The following RRM1 variants were observed in gnomAD, a reference collection of about 807,000 sequenced individuals.
RRM1 encodes the protein ribonucleotide reductase catalytic subunit M1.
In RRM1, 19 loss-of-function variants were observed where a neutral mutation model predicts 101.5. The observed-to-expected ratio is 0.19, with a 90% confidence interval of 0.13 to 0.27. The LOEUF is 0.27. RRM1 is among the 10% of genes least tolerant of loss of function. The pLI is 1.00. For synonymous variants in RRM1, 298 were observed against 323.4 expected (o/e 0.92, Z 0.84); for missense variants, 500 against 962.9 (o/e 0.52, Z 6.36).
chr11:4,118,626 A>G (rs545560899), intron 8 of RRM1, among the ~76,000 whole-genome samples, 165 bp downstream of exon 8: 15 of 152,146 alleles, frequency 9.9e-5, no homozygotes, highest in South Asian at 8.3e-4. Context: ...CTTCATTTTC[A>G]TCTATGATAT....
At chr11:4,095,241 C>T (rs1223855916) in intron 1 of RRM1, among the ~76,000 whole-genome samples, 1 of 152,252 alleles carries the variant, frequency 6.6e-6, no homozygotes, top group Admixed American at 6.5e-5. Flanking sequence ...TGCGCCCCCT[C>T]GGCTTTGTCA....
At chr11:4,123,871 C>G (rs2133311214) in intron 12 of RRM1, among the ~76,000 whole-genome samples, 1 of 152,166 alleles carries the variant, frequency 6.6e-6, no homozygotes, top group Middle Eastern at 3.4e-3. Context: ...TAAAGAGAGT[C>G]CTTTCAGTGA....
At chr11:4,104,935 G>A (rs1394240654) in intron 2 of RRM1, among the ~76,000 whole-genome samples, 1 of 152,114 alleles carries the variant, frequency 6.6e-6, no homozygotes, top group Non-Finnish European at 1.5e-5. Flanking sequence ...GTATGGAGCT[G>A]GAGCCCTGAT....
chr11:4,112,059 C>T lies in RRM1; in HGVS notation c.647C>T (p.Ser216Phe). The change falls in exon 7 of 19, where the codon TCT becomes TTT. Residue 216 changes from serine (S) to phenylalanine (F), a missense_variant. Ser to Phe is a radical substitution (Grantham distance 155). Around this residue, in one of 9 missense-constraint regions of RRM1, gnomAD observed 111 missense variants for 219.8 expected, o/e 0.51. Coordinates refer to ENST00000300738, the MANE Select transcript of RRM1 (RefSeq NM_001033.5). ...GCTGGTACCAACCGCCCACAACTTT[C>T]TAGGTAGGTGTTTTGAGTAGGGAAA... The part of the protein sequence containing the change: ...FNAGTNRPQL[S>F]SCFLLSMKDD... 1 of 1,612,412 alleles carries T rather than the reference C, an allele frequency of 6.2e-7. No individual in the cohort carries two copies. The highest frequency in any genetic ancestry group is 8.5e-7 in the Non-Finnish European group (1 of 1,179,166).
intron 1 of RRM1, among the ~76,000 whole-genome samples, chr11:4,100,578 A>G (rs1173488887): frequency 2.0e-5 from 3 of 152,238 alleles, no homozygotes; most frequent in Non-Finnish European, 1.5e-5. Flanking sequence ...CTATAGTTAC[A>G]ATGGATTGTA....
At chr11:4,136,761 CTTT>C (rs199604972) in intron 18 of RRM1, among the ~76,000 whole-genome samples, 1 of 144,194 alleles carries the variant, frequency 6.9e-6, no homozygotes, top group Non-Finnish European at 1.5e-5. Flanking sequence ...TTTGTTTTTT[CTTT>C]TTATTTATTT....
chr11:4,110,538 C>T (rs1177113260), intron 5 of RRM1, among the ~76,000 whole-genome samples: 4 of 152,030 alleles, frequency 2.6e-5, no homozygotes, highest in Non-Finnish European at 2.9e-5. Context: ...GAAGCCGAGG[C>T]GGGCTGATCA....
intron 17 of RRM1, 46 bp from the exon 18 acceptor site, chr11:4,135,036 C>A: frequency 7.1e-7 from 1 of 1,414,344 alleles, no homozygotes; most frequent in Non-Finnish European, 9.8e-7. Context: ...TCATACACTG[C>A]TTTCTTTAAC....
At position 4,123,258 on chromosome 11, in the gene RRM1, G is replaced by A. The variant is rs1039218269; in HGVS notation, c.1194G>A (p.Thr398=). 3 of 1,613,970 alleles carry A rather than the reference G, an allele frequency of 1.9e-6. No individual in the cohort carries two copies. Among genetic ancestry groups the A allele is most frequent in the Non-Finnish European group, 1.7e-6 (2 of 1,179,968 alleles). Reference sequence around the variant, plus strand: ...GGTATGCCATCATTGAGTCTCAGACGGAAACAGGCACCCCGTATATGCTCT... The same window carrying A: ...GGTATGCCATCATTGAGTCTCAGACAGAAACAGGCACCCCGTATATGCTCT... ...QLWYAIIESQ[T]ETGTPYMLYK... is the part of the protein sequence containing the mutation. Residue 398 remains threonine (T), a synonymous_variant, in exon 12 of 19, where the codon ACG becomes ACA. Coordinates refer to ENST00000300738, the MANE Select transcript of RRM1 (RefSeq NM_001033.5).
Position 4,126,777 on chromosome 11 carries a change from G to A in RRM1, c.1414G>A (p.Val472Ile), listed in dbSNP as rs1225809612. 2.5e-6 allele frequency: 4 copies of A among 1,613,794 alleles called. No homozygotes were observed. Among genetic ancestry groups the A allele is most frequent in the Non-Finnish European group, 3.4e-6 (4 of 1,179,764 alleles). ...DFKKLAEVTK[V>I]VVRNLNKIID... ...TAAGAAGTTGGCTGAAGTCACTAAA[G>A]TCGTTGTCCGAAACTTGAATAAAAT... is the stretch of plus-strand genomic sequence containing the variant. Residue 472 changes from valine to isoleucine, a missense_variant, in exon 13 of 19, where the codon GTC becomes ATC. Val to Ile is a conservative substitution (Grantham distance 29, BLOSUM62 3). This residue lies in a region of RRM1 where 80 missense variants were observed against 170.9 expected (regional missense o/e 0.47). Transcript: ENST00000300738.
intron 3 of RRM1, among the ~76,000 whole-genome samples, chr11:4,107,083 C>T (rs973266902): frequency 6.6e-5 from 10 of 151,954 alleles, no homozygotes; most frequent in African/African-American, 2.2e-4. Context: ...TTAGTAGAGA[C>T]GGGTTTCACC....
intron 15 of RRM1, among the ~76,000 whole-genome samples, chr11:4,131,905 C>A (rs2094601195): frequency 6.6e-6 from 1 of 152,114 alleles, no homozygotes; most frequent in Non-Finnish European, 1.5e-5. Context: ...TGAGTGTAAC[C>A]TAATACAGGT....
intron 8 of RRM1, chr11:4,119,304 C>T (rs1018182773): frequency 5.9e-6 from 1 of 168,766 alleles, no homozygotes; most frequent in Non-Finnish European, 1.2e-5. Flanking sequence ...GTGTTGGGAT[C>T]AGAAGGGTTA....
intron 11 of RRM1, among the ~76,000 whole-genome samples, chr11:4,122,874 A>T (rs77049350): frequency 6.8e-6 from 1 of 148,034 alleles, no homozygotes; most frequent in Non-Finnish European, 1.5e-5. Flanking sequence ...CTCCGTCTCA[A>T]AAAAAAAAAA....
intron 15 of RRM1, among the ~76,000 whole-genome samples, chr11:4,130,082 ATATATTTTTTTTTTTT>A (rs1290001661): frequency 1.0e-5 from 1 of 96,906 alleles, no homozygotes. Context: ...ATATATATAT[ATATATTTTTTTTTTTT>A]TTTTTTCCCC....
At chr11:4,133,839 C>T (rs2094604530) in intron 17 of RRM1, among the ~76,000 whole-genome samples, 181 bp downstream of exon 17, 1 of 152,098 alleles carries the variant, frequency 6.6e-6, no homozygotes, top group African/African-American at 2.4e-5. Flanking sequence ...TAACCCTTAC[C>T]ATCTTGTTTT....
chr11:4,094,942 T>C lies in RRM1; in HGVS notation c.-71T>C. ...CCTAACCCTTCCCACTCTGTCACCTTCTCGATCCCGCCGGCGCTTTAGAGC... is the reference window on the plus strand; with the variant it reads ...CCTAACCCTTCCCACTCTGTCACCTCCTCGATCCCGCCGGCGCTTTAGAGC... On this transcript the variant is annotated 5_prime_UTR_variant, in exon 1 of 19. Transcript: ENST00000300738. The C allele has an allele frequency of 6.5e-7, 1 of 1,531,046 alleles. No individual in the cohort carries two copies. The highest frequency in any genetic ancestry group is 8.9e-7 in the Non-Finnish European group (1 of 1,128,442). 94.8% of individuals were successfully genotyped at this position (1,531,046 alleles called of 1,614,324 possible). A position where few individuals can be genotyped will look rare whatever the true frequency, so the allele number is the denominator to read the frequency against.
chr11:4,123,988 G>A (rs2094585705), intron 12 of RRM1, among the ~76,000 whole-genome samples: 1 of 152,170 alleles, frequency 6.6e-6, no homozygotes, highest in Non-Finnish European at 1.5e-5. Flanking sequence ...TTTGAGAGAG[G>A]AGCTTTCCAT....
At chr11:4,134,528 A>G (rs1441265468) in intron 17 of RRM1, among the ~76,000 whole-genome samples, 1 of 152,214 alleles carries the variant, frequency 6.6e-6, no homozygotes, top group Non-Finnish European at 1.5e-5. Context: ...GTCCTATAAC[A>G]GTTCCATATT....
Sources: allele counts gnomAD v4.1 joint callset (sites outside exome capture counted in the v4.1 genomes callset), GRCh38; gene constraint gnomAD v4.1.1; regional missense constraint gnomAD v4.1.1; transcripts MANE v1.5; gene names NCBI Gene and HGNC (gene_info 2026-07-23, HGNC 2026-07-21).